GGACT: variants seen among roughly 807,000 people sequenced by gnomAD.
GGACT encodes gamma-glutamylamine cyclotransferase, also known as gamma-glutamylaminecyclotransferase.
For missense variants in GGACT, 241 were observed against 233.2 expected (o/e 1.03, Z -0.22); for synonymous variants, 118 against 115.3 (o/e 1.02, Z -0.15).
intron 2 of GGACT, among the ~76,000 whole-genome samples, chr13:100,580,450 T>C (rs1484049686): frequency 3.9e-5 from 6 of 152,172 alleles, no homozygotes; most frequent in Non-Finnish European, 7.4e-5. Flanking sequence ...CGCCAGAAGC[T>C]GAAAAAGGTA....
intron 2 of GGACT, among the ~76,000 whole-genome samples, chr13:100,571,098 TGAC>T (rs1839055527): frequency 6.6e-6 from 1 of 152,046 alleles, no homozygotes; most frequent in African/African-American, 2.4e-5. Flanking sequence ...CAGAGAGCAG[TGAC>T]AACAGTCCTA....
At chr13:100,565,178 T>C (rs1023233049) in intron 2 of GGACT, among the ~76,000 whole-genome samples, 1 of 152,106 alleles carries the variant, frequency 6.6e-6, no homozygotes. Context: ...AGATGAAAAA[T>C]CTAAAATCTC....
chr13:100,587,033 A>C (rs911978652), intron 1 of GGACT: 1 of 152,182 alleles, frequency 6.6e-6, no homozygotes, highest in African/African-American at 2.4e-5. Flanking sequence ...GGATGTTCTA[A>C]AGAGGGCTGC....
chr13:100,558,964 T>C (rs547209102), intron 2 of GGACT, among the ~76,000 whole-genome samples: 1 of 152,214 alleles, frequency 6.6e-6, no homozygotes, highest in East Asian at 1.9e-4. Context: ...TTGCCTGGAA[T>C]TGGGGTGTAG....
intron 1 of GGACT, among the ~76,000 whole-genome samples, chr13:100,586,339 T>C (rs1037873012): frequency 2.0e-5 from 3 of 152,062 alleles, no homozygotes; most frequent in African/African-American, 7.3e-5. Flanking sequence ...TTGATGGATA[T>C]ATGGAAATTC....
intron 2 of GGACT, among the ~76,000 whole-genome samples, chr13:100,555,029 G>GT (rs1254565767): frequency 1.3e-5 from 2 of 152,228 alleles, no homozygotes; most frequent in Non-Finnish European, 2.9e-5. Flanking sequence ...GCAAAGCCCT[G>GT]TATCTACTCA....
chr13:100,555,493 G>A (rs1357335177), intron 2 of GGACT, among the ~76,000 whole-genome samples: 1 of 152,008 alleles, frequency 6.6e-6, no homozygotes, highest in Non-Finnish European at 1.5e-5. Context: ...TTGTGCCATT[G>A]TACTCCAGCC....
rs1287234804 is a variant in GGACT at position 100,532,374 on chromosome 13, C to G, written c.218G>C (p.Arg73Pro). Residue 73 changes from arginine (R) to proline (P), a missense_variant, in exon 3 of 3, where the codon CGG becomes CCG. Physicochemically the swap from Arg to Pro is moderately radical, Grantham distance 103. Coordinates refer to ENST00000683975, the MANE Select transcript of GGACT (RefSeq NM_001195087.2). ...VEGEVYAVDERMLRFLDDFES... is the reference protein window; with the variant it reads ...VEGEVYAVDEPMLRFLDDFES... ...GAAGTCATCCAGAAAGCGCAGCATCCGCTCGTCTACCGCGTAGACCTCGCC... is the reference window on the plus strand; with the variant it reads ...GAAGTCATCCAGAAAGCGCAGCATCGGCTCGTCTACCGCGTAGACCTCGCC... 3.9e-6 allele frequency: 6 copies of G among 1,550,412 alleles called. No homozygotes were observed. The highest frequency in any genetic ancestry group is 4.4e-6 in the Non-Finnish European group (5 of 1,146,644).
chr13:100,546,654 G>C (rs1023255225), intron 2 of GGACT, among the ~76,000 whole-genome samples: 2 of 152,178 alleles, frequency 1.3e-5, no homozygotes, highest in Non-Finnish European at 2.9e-5. Context: ...ATGGGCCTCA[G>C]AGTGAGACCC....
intron 2 of GGACT, among the ~76,000 whole-genome samples, chr13:100,566,374 T>C (rs1383260793): frequency 1.3e-5 from 2 of 152,230 alleles, no homozygotes; most frequent in Non-Finnish European, 1.5e-5. Flanking sequence ...TTCTTTGCTT[T>C]CTCGGTTGCT....
chr13:100,541,456 C>T (rs1205727948), intron 2 of GGACT, among the ~76,000 whole-genome samples: 1 of 152,186 alleles, frequency 6.6e-6, no homozygotes, highest in Non-Finnish European at 1.5e-5. Context: ...CAGGCATGAG[C>T]ACCTGATGAA....
chr13:100,535,292 T>C lies in GGACT; in HGVS notation c.-10-2691A>G, dbSNP rs75217626. 6.6e-5 allele frequency among the ~76,000 whole-genome samples: 10 copies of C among 152,360 alleles called. 1 individual carries two copies. The East Asian group carries it at 1.9e-3, about 29-fold the overall frequency. ...TTTCCACTCCCTGGAGGCAACACTTTTAAGGCTTTTAACTGTTGTGTTCAG... is the reference window on the plus strand; with the variant it reads ...TTTCCACTCCCTGGAGGCAACACTTCTAAGGCTTTTAACTGTTGTGTTCAG... On this transcript the variant is annotated intron_variant, in intron 2 of 2. Coordinates refer to ENST00000683975, the MANE Select transcript of GGACT (RefSeq NM_001195087.2).
chr13:100,579,697 T>C (rs1242924078), intron 2 of GGACT, among the ~76,000 whole-genome samples: 1 of 152,168 alleles, frequency 6.6e-6, no homozygotes, highest in Non-Finnish European at 1.5e-5. Context: ...TCACACCCTT[T>C]TTTCCAAATG....
chr13:100,567,238 G>C (rs977241189), intron 2 of GGACT, among the ~76,000 whole-genome samples: 4 of 152,080 alleles, frequency 2.6e-5, no homozygotes, highest in Admixed American at 6.6e-5. Context: ...TTATGAAGAG[G>C]GATTTTGAAA....
chr13:100,575,992 G>A lies in GGACT; in HGVS notation c.-11+7833C>T, dbSNP rs550394252. Among the ~76,000 whole-genome samples, 33 of 152,290 alleles carry A rather than the reference G, an allele frequency of 2.2e-4. 1 individual carries two copies. The South Asian group carries it at 6.8e-3, about 32-fold the overall frequency. On this transcript the variant is annotated intron_variant, in intron 2 of 2. Coordinates refer to ENST00000683975, the MANE Select transcript of GGACT (RefSeq NM_001195087.2). ...GAAATGCATATAATGAATGGATCTT[G>A]CATTGCAAAATGCATTGTGAATTCA...
chr13:100,549,629 T>A (rs930926704), intron 2 of GGACT, among the ~76,000 whole-genome samples: 1 of 152,268 alleles, frequency 6.6e-6, no homozygotes, highest in African/African-American at 2.4e-5. Context: ...AAGGCAGGAC[T>A]CGTTTTGGTA....
chr13:100,552,777 A>G (rs1281869774), intron 2 of GGACT, among the ~76,000 whole-genome samples: 1 of 152,170 alleles, frequency 6.6e-6, no homozygotes, highest in Non-Finnish European at 1.5e-5. Context: ...GCATCCAAAG[A>G]CAGAAAAAGC....
intron 2 of GGACT, among the ~76,000 whole-genome samples, chr13:100,544,608 T>C (rs938177836): frequency 1.3e-5 from 2 of 152,236 alleles, no homozygotes; most frequent in African/African-American, 4.8e-5. Context: ...CTCAAGACAC[T>C]GAACACTTAC....
At chr13:100,542,709 G>A (rs1430840549) in intron 2 of GGACT, among the ~76,000 whole-genome samples, 2 of 152,152 alleles carry the variant, frequency 1.3e-5, no homozygotes, top group African/African-American at 2.4e-5. Context: ...TAACTGGTCC[G>A]GACAATAGCG....
Sources: gnomAD v4.1 joint callset for allele counts (sites outside exome capture counted in the v4.1 genomes callset) on GRCh38, gnomAD v4.1.1 for gene constraint, MANE v1.5 for transcripts, NCBI Gene and HGNC (gene_info 2026-07-23, HGNC 2026-07-21) for gene names.